NLRP13: variants seen among roughly 807,000 people sequenced by gnomAD.
NLRP13 encodes NACHT, LRR and PYD domains-containing protein 13.
A neutral mutation model predicts 94.4 loss-of-function variants in NLRP13; 82 were observed. The ratio of observed to expected loss-of-function variants is 0.87; its 90% confidence interval spans 0.73 to 1.04. The LOEUF is 1.04. Among genes scored for constraint, NLRP13 ranks in the 50% least tolerant of loss-of-function variants. NLRP13 has a pLI of 0.00. For synonymous variants in NLRP13, 553 were observed against 464.7 expected, an observed-to-expected ratio of 1.19 and a Z score of -2.45; for missense variants, 1,426 against 1,230.8, an observed-to-expected ratio of 1.16 and a Z score of -2.37.
chr19:55,910,281 T>C (rs1986466446), intron 6 of NLRP13, among the ~76,000 whole-genome samples: 1 of 152,194 alleles, frequency 6.6e-6, no homozygotes, highest in Non-Finnish European at 1.5e-5. Flanking sequence ...CCTCGAAGTT[T>C]TCTACTCCTT....
intron 8 of NLRP13, among the ~76,000 whole-genome samples, chr19:55,904,056 A>G (rs1233662213): frequency 6.6e-6 from 1 of 152,010 alleles, no homozygotes; most frequent in Non-Finnish European, 1.5e-5. Context: ...CTCTACTCCA[A>G]CCATGCTAGC....
At chr19:55,903,605 A>C (rs187929444) in intron 8 of NLRP13, among the ~76,000 whole-genome samples, 156 of 151,686 alleles carry the variant, frequency 1.0e-3, no homozygotes, top group African/African-American at 3.8e-3. Context: ...AAGCTCCTAT[A>C]CCCCCAACCC....
downstream of NLRP13, among the ~76,000 whole-genome samples, chr19:55,892,579 G>A (rs1160091398): frequency 6.6e-6 from 1 of 151,970 alleles, no homozygotes; most frequent in Non-Finnish European, 1.5e-5. Context: ...ACACCACCAC[G>A]CCGGCTAATT....
In NLRP13 at chr19:55,912,559, G is replaced by C. The variant is rs768845902; in HGVS notation, c.1258C>G (p.His420Asp). The part of the protein sequence containing the change: ...QQLRKNETLF[H>D]SCSAPMVCWT... ...CACACCATGGGGGCACTGCAGGAAT[G>C]AAAGAGAGTTTCGTTTTTTCTTAGC... Residue 420 changes from histidine (H) to aspartate (D), a missense_variant, in exon 5 of 11, where the codon CAT becomes GAT. Transcript: ENST00000342929. 3.2e-6 allele frequency: 5 copies of C among 1,566,144 alleles called. No individual in the cohort carries two copies. The highest frequency in any genetic ancestry group is 4.4e-6 in the Non-Finnish European group (5 of 1,139,256).
At chr19:55,929,604 A>G (rs1395612099) in intron 1 of NLRP13, among the ~76,000 whole-genome samples, 3 of 152,124 alleles carry the variant, frequency 2.0e-5, no homozygotes, top group Admixed American at 1.3e-4. Context: ...GGAGGGGAAC[A>G]TCACCCACTG....
chr19:55,917,110 C>G (rs571316785), intron 4 of NLRP13, among the ~76,000 whole-genome samples: 226 of 152,174 alleles, frequency 1.5e-3, no homozygotes, highest in Non-Finnish European at 1.9e-3. Flanking sequence ...AGTTTTGTAT[C>G]CTTCTACAAT....
At chr19:55,904,609 C>T (rs1018551175) in intron 8 of NLRP13, among the ~76,000 whole-genome samples, 49 of 152,114 alleles carry the variant, frequency 3.2e-4, no homozygotes, top group African/African-American at 1.2e-3. Flanking sequence ...CTATACCTTC[C>T]ACATGGGCAG....
chr19:55,923,521 T>C (rs1299668174), intron 4 of NLRP13, among the ~76,000 whole-genome samples: 1 of 152,158 alleles, frequency 6.6e-6, no homozygotes, highest in African/African-American at 2.4e-5. Flanking sequence ...GGCACCACCA[T>C]GTGAATTGCC....
intron 4 of NLRP13, among the ~76,000 whole-genome samples, chr19:55,915,294 A>G (rs1278894697): frequency 2.0e-5 from 3 of 152,180 alleles, no homozygotes; most frequent in African/African-American, 7.2e-5. Context: ...TCTTAGAACC[A>G]AAATTACAAA....
intron 1 of NLRP13, among the ~76,000 whole-genome samples, chr19:55,928,176 C>A (rs113939112): frequency 0.011 from 1,648 of 152,248 alleles, 29 homozygotes; most frequent in African/African-American, 0.037. Context: ...AGGAACAAGA[C>A]AAGGACCAGG....
chr19:55,932,258 C>T lies in NLRP13; in HGVS notation c.54G>A (p.Leu18=), dbSNP rs1987169509. 1 of 1,611,680 alleles carries T rather than the reference C, an allele frequency of 6.2e-7. No homozygotes were observed. Among genetic ancestry groups the T allele is most frequent in the African/African-American group, 1.3e-5 (1 of 74,744 alleles). The change falls in exon 1 of 11, where the codon CTG becomes CTA. Residue 18 remains leucine, a synonymous_variant. Transcript: ENST00000342929. Reference sequence around the variant, plus strand: ...ACTGATCCAGGGCCATCAGGTAAGGCAGAAGCCCTTGGTTGGTACCACCGT... The same window carrying T: ...ACTGATCCAGGGCCATCAGGTAAGGTAGAAGCCCTTGGTTGGTACCACCGT... ...CPNGGTNQGL[L]PYLMALDQYQ... is the part of the protein sequence containing the mutation.
At chr19:55,904,829 C>T in intron 8 of NLRP13, 113 bp downstream of exon 8, 3 of 866,526 alleles carry the variant, frequency 3.5e-6, no homozygotes, top group Non-Finnish European at 5.0e-6. Context: ...ATAGTAATTA[C>T]TCAATGAATG....
intron 1 of NLRP13, among the ~76,000 whole-genome samples, chr19:55,930,901 A>ATATATATATATATATTTT: frequency 1.0e-5 from 1 of 98,298 alleles, no homozygotes; most frequent in Admixed American, 9.5e-5. Context: ...TATATATAAA[A>ATATATATATATATATTTT]TTTTAACCAG....
intron 9 of NLRP13, among the ~76,000 whole-genome samples, chr19:55,899,552 C>T (rs907700211): frequency 9.2e-5 from 14 of 151,972 alleles, no homozygotes; most frequent in African/African-American, 2.4e-4. Context: ...GAGGCTGAGG[C>T]GGGTGGATCA....
downstream of NLRP13, among the ~76,000 whole-genome samples, chr19:55,894,850 A>T (rs1490695384): frequency 6.6e-6 from 1 of 152,208 alleles, no homozygotes; most frequent in Non-Finnish European, 1.5e-5. Flanking sequence ...AGGTACAAGA[A>T]TGATAAACAG....
intron 4 of NLRP13, among the ~76,000 whole-genome samples, chr19:55,922,860 A>G (rs1986866853): frequency 6.6e-6 from 1 of 152,240 alleles, no homozygotes; most frequent in South Asian, 2.1e-4. Context: ...AAACTAAGAA[A>G]TAGCAGGAAA....
chr19:55,923,953 C>G lies in NLRP13; in HGVS notation c.484G>C (p.Asp162His), dbSNP rs142843445. 2 of 1,613,694 alleles carry G rather than the reference C, an allele frequency of 1.2e-6. No individual in the cohort carries two copies. Among genetic ancestry groups the G allele is most frequent in the African/African-American group, 2.7e-5 (2 of 74,870 alleles). Reference protein sequence around the residue: ...TGNVQAQGCQDPNQEEPEMLE... With the variant: ...TGNVQAQGCQHPNQEEPEMLE... ...ATCTCTGGTTCTTCTTGGTTTGGAT[C>G]TTGGCATCCCTGGGCCTGTACATTC... The change falls in exon 4 of 11, where the codon GAT (aspartate) becomes CAT (histidine). Residue 162 changes from aspartate (D) to histidine (H), a missense_variant. Coordinates refer to ENST00000342929, the MANE Select transcript of NLRP13 (RefSeq NM_176810.2).
chr19:55,920,591 C>G (rs1040408499), intron 4 of NLRP13, among the ~76,000 whole-genome samples: 3 of 151,784 alleles, frequency 2.0e-5, no homozygotes, highest in Admixed American at 2.0e-4. Flanking sequence ...CAAATTAAAG[C>G]CACAGTCAAA....
At chr19:55,911,638 T>C in intron 5 of NLRP13, 68 bp downstream of exon 5, 3 of 1,412,660 alleles carry the variant, frequency 2.1e-6, no homozygotes, top group East Asian at 2.3e-5. Flanking sequence ...TGGTTTTGCA[T>C]GAAAGAATTT....
Sources: allele counts gnomAD v4.1 joint callset (sites outside exome capture counted in the v4.1 genomes callset), GRCh38; gene constraint gnomAD v4.1.1; transcripts MANE v1.5; gene names NCBI Gene and HGNC (gene_info 2026-07-23, HGNC 2026-07-21).